Variants in EIF5A2 observed in about 807,000 individuals in gnomAD.
EIF5A2 encodes eukaryotic translation initiation factor 5A-2.
Under a neutral mutation model 16.4 loss-of-function variants are expected in EIF5A2, and 15 were observed. The ratio of observed to expected loss-of-function variants is 0.92; its 90% CI spans 0.61 to 1.41. EIF5A2 has a LOEUF of 1.41. Among genes scored for constraint, EIF5A2 ranks in the 40% most tolerant of loss-of-function variants. EIF5A2 has a pLI of 0.00. For synonymous variants in EIF5A2, 48 were observed against 61.1 expected (o/e 0.79, Z 1.00); for missense variants, 144 against 189.5 (o/e 0.76, Z 1.41).
At chr3:170,907,951 T>C (rs754473168) in intron 1 of EIF5A2, 110 bp from the exon 2 acceptor site, 11 of 820,988 alleles carry the variant, frequency 1.3e-5, no homozygotes, top group Non-Finnish European at 1.1e-5. Context: ...TTTCTGCATG[T>C]AAGGAACACC....
chr3:170,895,586 G>A (rs1051619206), intron 3 of EIF5A2, among the ~76,000 whole-genome samples: 1 of 152,238 alleles, frequency 6.6e-6, no homozygotes, highest in African/African-American at 2.4e-5. Flanking sequence ...TAACCACTAT[G>A]ATATAACCCA....
At chr3:170,896,620 T>C (rs151176473) in intron 3 of EIF5A2, among the ~76,000 whole-genome samples, 2 of 152,282 alleles carry the variant, frequency 1.3e-5, no homozygotes, top group African/African-American at 4.8e-5. Flanking sequence ...GAGGCCTCCA[T>C]AGCCATGTGG....
intron 3 of EIF5A2, among the ~76,000 whole-genome samples, chr3:170,896,347 T>TA (rs1712669702): frequency 6.6e-6 from 1 of 152,012 alleles, no homozygotes; most frequent in Non-Finnish European, 1.5e-5. Flanking sequence ...AAAACAAAAA[T>TA]AATGAGAATG....
In EIF5A2 at chr3:170,889,048, C is replaced by CTTTTTTTTTTTTTTT. The variant is rs67417067; in HGVS notation, c.*4297_*4311dup. On this transcript the variant is annotated 3_prime_UTR_variant, in exon 5 of 5. Coordinates refer to ENST00000295822, the MANE Select transcript of EIF5A2 (RefSeq NM_020390.6). ...ACTTCATATAAATACAATAACCTGTCTTTTTTTTTTTTTTTTTTTTTTTGT... is the reference window on the plus strand; with the variant it reads ...ACTTCATATAAATACAATAACCTGTCTTTTTTTTTTTTTTTTTTTTTTTTTTTTTTTTTTTTTTGT... The CTTTTTTTTTTTTTTT allele has an allele frequency of 2.1e-5, 2 of 96,186 alleles. No homozygotes were observed. The highest frequency in any genetic ancestry group is 3.8e-5 in the Non-Finnish European group (2 of 52,948). 6.0% of individuals were successfully genotyped at this position (96,186 alleles called of 1,614,324 possible).
intron 3 of EIF5A2, among the ~76,000 whole-genome samples, chr3:170,900,536 A>G (rs959658439): frequency 5.9e-5 from 9 of 152,196 alleles, no homozygotes; most frequent in Admixed American, 5.9e-4. Context: ...AATTAGGCCC[A>G]TGTCAAAGGG....
At chr3:170,903,354 A>C (rs1202376341) in intron 3 of EIF5A2, among the ~76,000 whole-genome samples, 3 of 152,244 alleles carry the variant, frequency 2.0e-5, no homozygotes, top group African/African-American at 7.2e-5. Context: ...ATTCCAAAAC[A>C]GCTTGCCTCT....
At position 170,892,304 on chromosome 3, in the gene EIF5A2, C is replaced by T. The variant is rs141092398; in HGVS notation, c.*1056G>A. ...AGTAGCTGGGCGTGGTGGCATGCACCTGTAGTCCCAGCTACTTGGGAGGCT... is the reference window on the plus strand; with the variant it reads ...AGTAGCTGGGCGTGGTGGCATGCACTTGTAGTCCCAGCTACTTGGGAGGCT... On this transcript the variant is annotated 3_prime_UTR_variant, in exon 5 of 5. Transcript: ENST00000295822. The T allele has an allele frequency of 0.022, 3,401 of 152,138 alleles. 78 individuals are homozygous for T. The highest frequency in any genetic ancestry group is 0.028 in the Non-Finnish European group (1,914 of 68,138). 9.4% of individuals were successfully genotyped at this position (152,138 alleles called of 1,614,324 possible).
intron 1 of EIF5A2, 44 bp downstream of exon 1, chr3:170,908,499 A>C (rs1413895328): frequency 1.3e-5 from 2 of 153,102 alleles, no homozygotes; most frequent in African/African-American, 4.8e-5. Flanking sequence ...CTCTGGCCCC[A>C]TCCCCACCAG....
At chr3:170,900,395 G>A (rs1290946353) in intron 3 of EIF5A2, among the ~76,000 whole-genome samples, 1 of 151,442 alleles carries the variant, frequency 6.6e-6, no homozygotes, top group African/African-American at 2.4e-5. Context: ...AAAAAGAATG[G>A]GGTATTTTTT....
intron 2 of EIF5A2, among the ~76,000 whole-genome samples, chr3:170,907,306 A>C (rs1450245090): frequency 6.6e-6 from 1 of 152,216 alleles, no homozygotes; most frequent in Non-Finnish European, 1.5e-5. Flanking sequence ...CCCAATATAG[A>C]CCAGTGATTC....
chr3:170,907,738 C>T lies in EIF5A2; in HGVS notation c.69G>A (p.Ser23=). The change falls in exon 2 of 5, where the codon TCG becomes TCA. Residue 23 remains serine, a synonymous_variant. Transcript: ENST00000295822. ...GASSTYPMQC[S]ALRKNGFVVL... is the part of the protein sequence containing the mutation. ...CCACGAAGCCGTTTTTGCGCAAGGC[C>T]GAGCACTGCATAGGGTAAGTGCTGG... 1.9e-6 allele frequency: 3 copies of T among 1,609,060 alleles called. No homozygotes were observed. Among genetic ancestry groups the T allele is most frequent in the Non-Finnish European group, 2.6e-6 (3 of 1,176,092 alleles).
At chr3:170,900,629 T>C (rs1712786216) in intron 3 of EIF5A2, among the ~76,000 whole-genome samples, 1 of 152,114 alleles carries the variant, frequency 6.6e-6, no homozygotes, top group Non-Finnish European at 1.5e-5. Context: ...AACAATGGAT[T>C]GAAACACAAA....
chr3:170,908,327 C>T (rs1434774235), intron 1 of EIF5A2, among the ~76,000 whole-genome samples: 1 of 152,222 alleles, frequency 6.6e-6, no homozygotes, highest in Non-Finnish European at 1.5e-5. Context: ...GCCGCACAGG[C>T]GCCCCCTGTT....
intron 3 of EIF5A2, among the ~76,000 whole-genome samples, chr3:170,903,336 A>G (rs1223016054): frequency 6.6e-6 from 1 of 152,210 alleles, no homozygotes; most frequent in Non-Finnish European, 1.5e-5. Context: ...TGGCTCACGT[A>G]CCCTATCATT....
At chr3:170,902,355 G>A (rs535682186) in intron 3 of EIF5A2, among the ~76,000 whole-genome samples, 2 of 151,408 alleles carry the variant, frequency 1.3e-5, no homozygotes, top group Non-Finnish European at 2.9e-5. Context: ...CCAGAAGTGT[G>A]GATTTGCACT....
At chr3:170,904,872 T>C (rs1712897212) in intron 3 of EIF5A2, among the ~76,000 whole-genome samples, 1 of 152,256 alleles carries the variant, frequency 6.6e-6, no homozygotes, top group Non-Finnish European at 1.5e-5. Context: ...TTATTATTTA[T>C]GTCTCTGCTT....
chr3:170,904,384 C>T (rs1712882265), intron 3 of EIF5A2, among the ~76,000 whole-genome samples: 1 of 152,212 alleles, frequency 6.6e-6, no homozygotes, highest in South Asian at 2.1e-4. Context: ...ATATTGAATT[C>T]AGCAAACATA....
chr3:170,901,719 C>T (rs866818061), intron 3 of EIF5A2, among the ~76,000 whole-genome samples: 4 of 151,988 alleles, frequency 2.6e-5, no homozygotes, highest in African/African-American at 4.8e-5. Flanking sequence ...GGATTACCGG[C>T]GTGAGCCACA....
intron 3 of EIF5A2, among the ~76,000 whole-genome samples, chr3:170,897,640 C>G (rs1264519365): frequency 6.6e-6 from 1 of 152,208 alleles, no homozygotes. Flanking sequence ...GCCTAGATTT[C>G]AGAGGATGTA....
Sources: allele counts gnomAD v4.1 joint callset (sites outside exome capture counted in the v4.1 genomes callset), GRCh38; gene constraint gnomAD v4.1.1; transcripts MANE v1.5; gene names NCBI Gene and HGNC (gene_info 2026-07-23, HGNC 2026-07-21).